Variants in GIGYF2 observed in about 807,000 individuals in gnomAD.
GIGYF2 encodes GRB10 interacting GYF protein 2.
GIGYF2 carries 25 observed loss-of-function variants against 208.1 expected under a neutral mutation model. The ratio of observed to expected loss-of-function variants is 0.12; its 90% CI spans 0.09 to 0.17. GIGYF2 has a LOEUF of 0.17. Ranked by LOEUF, GIGYF2 falls within the 10% of genes least tolerant of loss-of-function variation. GIGYF2 has a pLI of 1.00. For synonymous variants in GIGYF2, 534 were observed against 543.8 expected, an observed-to-expected ratio of 0.98 and a Z score of 0.25; for missense variants, 1,302 against 1,579.4, an observed-to-expected ratio of 0.82 and a Z score of 2.98.
At chr2:232,834,278 G>A (rs1037306809) in intron 22 of GIGYF2, among the ~76,000 whole-genome samples, 3 of 152,102 alleles carry the variant, frequency 2.0e-5, no homozygotes, top group African/African-American at 7.2e-5. Flanking sequence ...AGGTGGCATG[G>A]AGTCAGTCAT....
At chr2:232,704,213 T>TA (rs1434040737) in intron 2 of GIGYF2, among the ~76,000 whole-genome samples, 1 of 152,186 alleles carries the variant, frequency 6.6e-6, no homozygotes, top group African/African-American at 2.4e-5. Flanking sequence ...GTGACTATTC[T>TA]AGGTGGACTC....
At chr2:232,783,116 T>C (rs1699776223) in intron 8 of GIGYF2, among the ~76,000 whole-genome samples, 2 of 152,214 alleles carry the variant, frequency 1.3e-5, no homozygotes, top group Non-Finnish European at 2.9e-5. Flanking sequence ...TATGGCTTGA[T>C]GAAAAATGTG....
intron 15 of GIGYF2, among the ~76,000 whole-genome samples, chr2:232,809,045 A>G (rs944407220): frequency 6.6e-6 from 1 of 152,138 alleles, no homozygotes; most frequent in African/African-American, 2.4e-5. Flanking sequence ...CCCAGGTTCA[A>G]GTGATTCTCC....
chr2:232,769,980 G>T (rs1699165800), intron 8 of GIGYF2, among the ~76,000 whole-genome samples: 1 of 152,094 alleles, frequency 6.6e-6, no homozygotes, highest in African/African-American at 2.4e-5. Flanking sequence ...TGGTGGTATT[G>T]TTTTTTGTTG....
intron 21 of GIGYF2, among the ~76,000 whole-genome samples, chr2:232,830,721 C>A (rs1298650415): frequency 6.6e-6 from 1 of 152,080 alleles, no homozygotes; most frequent in Admixed American, 6.6e-5. Context: ...GTGGCTAACA[C>A]TTGTAATCCC....
chr2:232,773,532 T>C (rs927126802), intron 8 of GIGYF2, among the ~76,000 whole-genome samples: 1 of 152,198 alleles, frequency 6.6e-6, no homozygotes, highest in Non-Finnish European at 1.5e-5. Flanking sequence ...ATGATTGATA[T>C]TGCATTCTCA....
intron 23 of GIGYF2, among the ~76,000 whole-genome samples, chr2:232,841,327 G>A (rs908264141): frequency 2.0e-5 from 3 of 151,852 alleles, no homozygotes; most frequent in Non-Finnish European, 4.4e-5. Flanking sequence ...ACTGAGGCTC[G>A]CTCTGTCACC....
chr2:232,836,963 G>A (rs1307364009), intron 22 of GIGYF2, among the ~76,000 whole-genome samples: 3 of 152,160 alleles, frequency 2.0e-5, no homozygotes, highest in Non-Finnish European at 4.4e-5. Flanking sequence ...TCTGGAAGTG[G>A]GCACAGTGGT....
At chr2:232,836,537 G>C (rs1161682062) in intron 22 of GIGYF2, among the ~76,000 whole-genome samples, 4 of 135,910 alleles carry the variant, frequency 2.9e-5, no homozygotes, top group Non-Finnish European at 4.6e-5. Context: ...CTGCACTCCA[G>C]CCTGGGTGAC....
chr2:232,784,591 C>T (rs79196035), intron 8 of GIGYF2, among the ~76,000 whole-genome samples: 8,891 of 124,362 alleles, frequency 0.071, 391 homozygotes, highest in Admixed American at 0.17. Flanking sequence ...GGGGTTTCAT[C>T]GTGTTAGCTT....
At chr2:232,856,698 A>T (rs1690588308) in intron 28 of GIGYF2, 95 bp from the exon 29 acceptor site, 1 of 847,852 alleles carries the variant, frequency 1.2e-6, no homozygotes, top group African/African-American at 1.7e-5. Context: ...TCTCACAAAC[A>T]AACAAACACA....
chr2:232,759,415 A>G (rs946947039), intron 6 of GIGYF2, among the ~76,000 whole-genome samples: 4 of 149,388 alleles, frequency 2.7e-5, no homozygotes, highest in African/African-American at 7.4e-5. Context: ...GTTTGTTGGG[A>G]AAACTGTACA....
intron 1 of GIGYF2, among the ~76,000 whole-genome samples, chr2:232,702,462 C>T (rs905935829): frequency 4.0e-5 from 6 of 151,776 alleles, no homozygotes; most frequent in African/African-American, 1.5e-4. Flanking sequence ...AAAACTCTAT[C>T]TGTCTCTATC....
At chr2:232,738,167 T>C (rs1324403163) in intron 3 of GIGYF2, among the ~76,000 whole-genome samples, 1 of 152,238 alleles carries the variant, frequency 6.6e-6, no homozygotes, top group Non-Finnish European at 1.5e-5. Context: ...TCCGTCTACC[T>C]TGTCCTCCCA....
chr2:232,745,843 A>G (rs1288997247), intron 3 of GIGYF2, among the ~76,000 whole-genome samples: 2 of 152,230 alleles, frequency 1.3e-5, no homozygotes, highest in Admixed American at 6.5e-5. Context: ...TTGCCAAAAA[A>G]GAACCCAAAT....
At chr2:232,815,927 A>G in intron 19 of GIGYF2, 190 bp downstream of exon 19, 1 of 583,064 alleles carries the variant, frequency 1.7e-6, no homozygotes, top group South Asian at 2.0e-5. Flanking sequence ...TCAAAACAGA[A>G]TTTAAATTAC....
intron 2 of GIGYF2, among the ~76,000 whole-genome samples, chr2:232,714,636 A>G (rs369888160): frequency 1.1e-3 from 165 of 152,224 alleles, no homozygotes; most frequent in African/African-American, 3.8e-3. Flanking sequence ...TGTAATCAAG[A>G]TATGTAACAT....
rs57991158 is a variant in GIGYF2, at chr2:232,797,981, C to CAAA, written c.1639+1784_1639+1786dup. ...GTGTGACAGAGTGAGACTGTGCCTC[C>CAAA]AAAAAAAAAAAAAAAAAAAAAAAAA... On this transcript the variant is annotated intron_variant, in intron 14 of 28. Coordinates refer to ENST00000373563, the MANE Select transcript of GIGYF2 (RefSeq NM_001103146.3). 2.4e-3 allele frequency among the ~76,000 whole-genome samples: 247 copies of CAAA among 102,352 alleles called. 11 individuals are homozygous for CAAA. Among genetic ancestry groups the CAAA allele is most frequent in the African/African-American group, 8.8e-3 (234 of 26,732 alleles). The allele number at this position is 102,352 out of a possible 152,430, so 67.1% of individuals were successfully genotyped here. A position where few individuals can be genotyped will look rare whatever the true frequency, so the allele number is the denominator to read the frequency against.
intron 21 of GIGYF2, among the ~76,000 whole-genome samples, chr2:232,826,920 C>G (rs1701263193): frequency 1.3e-5 from 2 of 152,186 alleles, no homozygotes; most frequent in South Asian, 4.1e-4. Context: ...CCATCAACAT[C>G]AAGCCAAGAC....
Sources: gnomAD v4.1 joint callset for allele counts (sites outside exome capture counted in the v4.1 genomes callset) on GRCh38, gnomAD v4.1.1 for gene constraint, MANE v1.5 for transcripts, NCBI Gene and HGNC (gene_info 2026-07-23, HGNC 2026-07-21) for gene names.